Variants in MALRD1 observed in about 807,000 individuals in gnomAD.
The protein encoded by MALRD1 is MAM and LDL receptor class A domain containing 1.
In MALRD1, 247 loss-of-function variants were observed where a neutral mutation model predicts 242.1. The observed-to-expected ratio is 1.02, with a 90% CI of 0.92 to 1.13. MALRD1 has a LOEUF of 1.13. MALRD1 is among the 50% of genes most tolerant of loss of function. The pLI is 0.00. For missense variants in MALRD1, 2,989 were observed against 2,533.1 expected, an observed-to-expected ratio of 1.18 and a Z score of -3.86; for synonymous variants, 995 against 866.6, an observed-to-expected ratio of 1.15 and a Z score of -2.60.
At chr10:19,469,351 ATCT>A (rs1836383031) in intron 29 of MALRD1, among the ~76,000 whole-genome samples, 1 of 152,074 alleles carries the variant, frequency 6.6e-6, no homozygotes, top group African/African-American at 2.4e-5. Context: ...TATGATAATG[ATCT>A]TCTTGACTTT....
rs535314253 is a variant in MALRD1 at position 19,258,409 on chromosome 10, G to A, written c.3079+638G>A. Among the ~76,000 whole-genome samples the A allele has an allele frequency of 6.8e-4, 103 of 152,216 alleles. No homozygotes were observed. The South Asian group carries it at 7.1e-3, about 10-fold the overall frequency. On this transcript the variant is annotated intron_variant, in intron 19 of 39. Transcript: ENST00000454679. ...TGAGGAGAAACCCATTCTGAGAAGT[G>A]CATAGTGATCTAAGAAGACTGGAGT...
intron 21 of MALRD1, among the ~76,000 whole-genome samples, chr10:19,297,289 A>G (rs1367261116): frequency 6.6e-6 from 1 of 151,832 alleles, no homozygotes; most frequent in Non-Finnish European, 1.5e-5. Context: ...ATTTACTTAT[A>G]ATTGTTTTCA....
intron 14 of MALRD1, among the ~76,000 whole-genome samples, chr10:19,196,472 A>G (rs1355327373): frequency 2.0e-5 from 3 of 149,398 alleles, no homozygotes; most frequent in African/African-American, 7.4e-5. Flanking sequence ...CACAGATGGT[A>G]TCACCCTCCT....
At chr10:19,562,344 G>GA (rs1564442794) in intron 32 of MALRD1, among the ~76,000 whole-genome samples, 48 of 141,796 alleles carry the variant, frequency 3.4e-4, no homozygotes, top group East Asian at 1.2e-3. Context: ...TAGATAGATA[G>GA]TTAGATAGAT....
At chr10:19,561,512 G>T (rs906504901) in intron 32 of MALRD1, among the ~76,000 whole-genome samples, 1 of 152,142 alleles carries the variant, frequency 6.6e-6, no homozygotes, top group African/African-American at 2.4e-5. Flanking sequence ...ATGATGCTCT[G>T]TTGTTAGGTG....
rs559885166 is a variant in MALRD1, at chr10:19,108,958, A to G, written c.694+4883A>G. 2.2e-4 allele frequency among the ~76,000 whole-genome samples: 33 copies of G among 152,194 alleles called. No homozygotes were observed. In the South Asian group the frequency reaches 6.8e-3, roughly 32 times the overall value. On this transcript the variant is annotated intron_variant, in intron 5 of 39. Transcript: ENST00000454679. ...ATAATTGCTCCTTCCAATTTTATAG[A>G]ATGGCTTTCAGGGGGAAATATTTTC...
chr10:19,446,726 A>T (rs1328920416), intron 28 of MALRD1, among the ~76,000 whole-genome samples: 2 of 152,236 alleles, frequency 1.3e-5, no homozygotes, highest in African/African-American at 4.8e-5. Context: ...AGGTTAAATT[A>T]TGAGAAGAAA....
In MALRD1 at chr10:19,718,250, C is replaced by CCTGAGG. The variant is rs376326002; in HGVS notation, c.6315-12446_6315-12441dup. Among the ~76,000 whole-genome samples the CCTGAGG allele has an allele frequency of 5.8e-3, 868 of 150,512 alleles. 9 individuals are homozygous for CCTGAGG. The highest frequency in any genetic ancestry group is 0.02 in the African/African-American group (824 of 41,386). ...AACAGCAGCAGCAGCAGCAGCAATACCTGAGGCTGAGGCTGGATAATTTAT... is the reference window on the plus strand; with the variant it reads ...AACAGCAGCAGCAGCAGCAGCAATACCTGAGGCTGAGGCTGAGGCTGGATAATTTAT... On this transcript the variant is annotated intron_variant, in intron 38 of 39. Coordinates refer to ENST00000454679, the MANE Select transcript of MALRD1 (RefSeq NM_001142308.3).
At chr10:19,237,724 A>C (rs1439492643) in intron 18 of MALRD1, among the ~76,000 whole-genome samples, 20 of 117,080 alleles carry the variant, frequency 1.7e-4, no homozygotes, top group African/African-American at 5.8e-4. Flanking sequence ...TTATATATAA[A>C]TATATAATTA....
At chr10:19,256,354 A>T (rs1839511629) in intron 18 of MALRD1, among the ~76,000 whole-genome samples, 1 of 152,090 alleles carries the variant, frequency 6.6e-6, no homozygotes, top group Non-Finnish European at 1.5e-5. Flanking sequence ...GTTCTTTCAA[A>T]TTCTGTCTGC....
chr10:19,121,296 C>T lies in MALRD1; in HGVS notation c.695-2196C>T, dbSNP rs540893839. ...ACTCAAGTGATCCACCTGCTTCGGC[C>T]TCCCAAGTGCTGGGATTACAGTTGT... is the stretch of plus-strand genomic sequence containing the variant. On this transcript the variant is annotated intron_variant, in intron 5 of 39. Coordinates refer to ENST00000454679, the MANE Select transcript of MALRD1 (RefSeq NM_001142308.3). Among the ~76,000 whole-genome samples the T allele has an allele frequency of 2.0e-5, 3 of 151,582 alleles. No homozygotes were observed. In the East Asian group the frequency reaches 5.8e-4, roughly 30 times the overall value.
At chr10:19,351,455 A>T (rs1844374471) in intron 25 of MALRD1, among the ~76,000 whole-genome samples, 1 of 152,170 alleles carries the variant, frequency 6.6e-6, no homozygotes, top group Non-Finnish European at 1.5e-5. Flanking sequence ...ATTTCAAGTA[A>T]AATTTGGATA....
chr10:19,108,326 TTC>T (rs1199920228), intron 5 of MALRD1, among the ~76,000 whole-genome samples: 2 of 151,650 alleles, frequency 1.3e-5, no homozygotes, highest in Non-Finnish European at 2.9e-5. Flanking sequence ...GCTACAAGAT[TTC>T]TGTCTTATAA....
chr10:19,283,740 T>C (rs1423117099), intron 21 of MALRD1, among the ~76,000 whole-genome samples: 1 of 152,246 alleles, frequency 6.6e-6, no homozygotes, highest in African/African-American at 2.4e-5. Flanking sequence ...CATTTCACTG[T>C]AATGACTTTC....
rs1191418546 is a variant in MALRD1 at position 19,103,975 on chromosome 10, G to A, written c.598-4G>A. 1 of 1,231,822 alleles carries A rather than the reference G, an allele frequency of 8.1e-7. No homozygotes were observed. Among genetic ancestry groups the A allele is most frequent in the African/African-American group, 1.6e-5 (1 of 64,430 alleles). 76.3% of individuals were successfully genotyped at this position (1,231,822 alleles called of 1,614,324 possible). On this transcript the variant is annotated splice_region_variant and splice_polypyrimidine_tract_variant and intron_variant, in intron 4 of 39. Transcript: ENST00000454679. ...TTTTGTTTTGTTTTGTTTTTCTGGT[G>A]CAGGTTGTTTTTGAAGGTCAAATGG...
At chr10:19,162,409 A>G (rs1032925187) in intron 12 of MALRD1, among the ~76,000 whole-genome samples, 7 of 152,160 alleles carry the variant, frequency 4.6e-5, no homozygotes, top group African/African-American at 1.4e-4. Flanking sequence ...ATACTTAGAA[A>G]ATACAAATTA....
intron 28 of MALRD1, among the ~76,000 whole-genome samples, chr10:19,390,014 C>T (rs1846270620): frequency 6.6e-6 from 1 of 151,998 alleles, no homozygotes; most frequent in African/African-American, 2.4e-5. Context: ...TAGAGAAGGC[C>T]CCCTGTTTTT....
Position 19,297,855 on chromosome 10 carries a change from G to T in MALRD1, c.3419+14674G>T, listed in dbSNP as rs545032325. 3.3e-5 allele frequency among the ~76,000 whole-genome samples: 5 copies of T among 151,970 alleles called. No homozygotes were observed. In the East Asian group the frequency reaches 9.7e-4, roughly 30 times the overall value. On this transcript the variant is annotated intron_variant, in intron 21 of 39. Transcript: ENST00000454679. ...GGGAAAAAAAAGGCATTATGGGAAA[G>T]GTAATTTTTGAGTTGGCTGTAAAGC...
intron 12 of MALRD1, among the ~76,000 whole-genome samples, chr10:19,162,362 T>A (rs902833845): frequency 7.9e-5 from 12 of 152,228 alleles, no homozygotes; most frequent in African/African-American, 2.9e-4. Flanking sequence ...GACAGTCTAC[T>A]CATTTCTTTC....
Sources: allele counts gnomAD v4.1 joint callset (sites outside exome capture counted in the v4.1 genomes callset), GRCh38; gene constraint gnomAD v4.1.1; transcripts MANE v1.5; gene names NCBI Gene and HGNC (gene_info 2026-07-23, HGNC 2026-07-21).